Variants in GRK3 observed in about 807,000 individuals in gnomAD.
GRK3 encodes G protein-coupled receptor kinase 3.
In GRK3, 54 loss-of-function variants were observed where a neutral mutation model predicts 95.7. The ratio of observed to expected loss-of-function variants is 0.56; its 90% confidence interval spans 0.45 to 0.71. GRK3 has a LOEUF of 0.71. Ranked by LOEUF, GRK3 falls within the 30% of genes least tolerant of loss-of-function variation. GRK3 has a pLI of 0.00. For synonymous variants in GRK3, 281 were observed against 290.8 expected, an observed-to-expected ratio of 0.97 and a Z score of 0.34; for missense variants, 649 against 851.2, an observed-to-expected ratio of 0.76 and a Z score of 2.96.
chr22:25,649,422 A>G (rs1298508143), intron 3 of GRK3, among the ~76,000 whole-genome samples: 1 of 152,218 alleles, frequency 6.6e-6, no homozygotes, highest in Non-Finnish European at 1.5e-5. Context: ...AAGTACGATG[A>G]TGAATTTTCC....
rs1265359706 is a variant in GRK3, at chr22:25,647,561, A to G, written c.264+2896A>G. On this transcript the variant is annotated intron_variant, in intron 3 of 20. Coordinates refer to ENST00000324198, the MANE Select transcript of GRK3 (RefSeq NM_005160.4). ...GGTGTTACTATATTTGTGGCCTTAT[A>G]TGATTATGAAGCTAGAACTACAGAA... 6 of 1,561,698 alleles carry G rather than the reference A, an allele frequency of 3.8e-6. No homozygotes were observed. The South Asian group carries it at 4.4e-5, about 12-fold the overall frequency.
chr22:25,619,870 G>C (rs2084568427), intron 2 of GRK3, among the ~76,000 whole-genome samples: 1 of 151,880 alleles, frequency 6.6e-6, no homozygotes. Flanking sequence ...TTCTTCCTGA[G>C]GTAGCTACTT....
At chr22:25,665,073 T>C (rs1480661382) in intron 5 of GRK3, among the ~76,000 whole-genome samples, 1 of 152,150 alleles carries the variant, frequency 6.6e-6, no homozygotes, top group Non-Finnish European at 1.5e-5. Context: ...TTGGGTAAGC[T>C]CCTCCACCTT....
intron 1 of GRK3, among the ~76,000 whole-genome samples, chr22:25,567,203 T>A (rs1931522245): frequency 6.6e-6 from 1 of 152,242 alleles, no homozygotes; most frequent in African/African-American, 2.4e-5. Context: ...CAGTAATTGT[T>A]ACTCTGTTGC....
intron 1 of GRK3, among the ~76,000 whole-genome samples, chr22:25,589,992 C>T (rs776300004): frequency 1.2e-4 from 18 of 152,166 alleles, no homozygotes; most frequent in Non-Finnish European, 2.1e-4. Flanking sequence ...GATTCAATGA[C>T]CTCCCACTGG....
At position 25,618,513 on chromosome 22, in the gene GRK3, C is replaced by CT. The variant is rs573567467; in HGVS notation, c.190+14065dup. Among the ~76,000 whole-genome samples, 150 of 152,306 alleles carry CT rather than the reference C, an allele frequency of 9.8e-4. 1 individual carries two copies. In the Middle Eastern group the frequency reaches 0.027, roughly 28 times the overall value. ...TACAGGCAGAATCTGCTTGAGACTG[C>CT]TTTTTAAACCCAGACTAACAATCCC... is the stretch of plus-strand genomic sequence containing the variant. On this transcript the variant is annotated intron_variant, in intron 2 of 20. Coordinates refer to ENST00000324198, the MANE Select transcript of GRK3 (RefSeq NM_005160.4).
At position 25,722,596 on chromosome 22, in the gene GRK3, C is replaced by T; in HGVS notation, c.*146C>T. ...TCGGGACCCTTCGGCTTGGGGTCAG[C>T]TCAGCTCCCTGCCTTGTCACATTTG... On this transcript the variant is annotated 3_prime_UTR_variant, in exon 21 of 21. Transcript: ENST00000324198. 2 of 687,026 alleles carry T rather than the reference C, an allele frequency of 2.9e-6. No homozygotes were observed. The highest frequency in any genetic ancestry group is 4.7e-6 in the Non-Finnish European group (2 of 422,946). The allele number at this position is 687,026 out of a possible 1,614,324, so 42.6% of individuals were successfully genotyped here.
At chr22:25,674,305 C>A in intron 7 of GRK3, 132 bp from the exon 8 acceptor site, 1 of 639,016 alleles carries the variant, frequency 1.6e-6, no homozygotes, top group African/African-American at 1.9e-5. Flanking sequence ...CTTAAAGACT[C>A]AGTCATGAAA....
At chr22:25,616,744 G>A (rs1025611556) in intron 2 of GRK3, among the ~76,000 whole-genome samples, 9 of 152,184 alleles carry the variant, frequency 5.9e-5, no homozygotes, top group Non-Finnish European at 1.2e-4. Flanking sequence ...GTACAAAAAA[G>A]GGTTGTGGGG....
intron 12 of GRK3, among the ~76,000 whole-genome samples, chr22:25,694,186 C>T (rs550663909): frequency 6.6e-6 from 1 of 152,272 alleles, no homozygotes; most frequent in South Asian, 2.1e-4. Context: ...GTGCAGTGCT[C>T]ACAGCAACCC....
chr22:25,703,929 C>T lies in GRK3; in HGVS notation c.1228-180C>T, dbSNP rs1385138859. On this transcript the variant is annotated intron_variant, in intron 14 of 20. Coordinates refer to ENST00000324198, the MANE Select transcript of GRK3 (RefSeq NM_005160.4). ...CCGGTTCTTCTGATCTGCCCCCAGCCTCATTGATTTTGCAACTGATTAGTT... is the reference window on the plus strand; with the variant it reads ...CCGGTTCTTCTGATCTGCCCCCAGCTTCATTGATTTTGCAACTGATTAGTT... 2.0e-5 allele frequency among the ~76,000 whole-genome samples: 3 copies of T among 152,142 alleles called. No homozygotes were observed. In the East Asian group the frequency reaches 5.8e-4, roughly 29 times the overall value.
At chr22:25,573,647 C>G (rs1363779362) in intron 1 of GRK3, among the ~76,000 whole-genome samples, 1 of 152,012 alleles carries the variant, frequency 6.6e-6, no homozygotes, top group Non-Finnish European at 1.5e-5. Context: ...GACTGTAATC[C>G]CAGCACTTTG....
chr22:25,614,125 T>A (rs1311693287), intron 2 of GRK3, among the ~76,000 whole-genome samples: 5 of 152,162 alleles, frequency 3.3e-5, no homozygotes, highest in Non-Finnish European at 5.9e-5. Flanking sequence ...ATCTTTTTTT[T>A]AATGTTATTT....
intron 1 of GRK3, among the ~76,000 whole-genome samples, chr22:25,594,580 T>TA (rs1284165327): frequency 6.6e-6 from 1 of 152,066 alleles, no homozygotes; most frequent in Non-Finnish European, 1.5e-5. Flanking sequence ...ATTTACCACA[T>TA]AAAAAAATTA....
chr22:25,565,187 C>T, intron 1 of GRK3, 34 bp downstream of exon 1: 1 of 1,229,064 alleles, frequency 8.1e-7, no homozygotes, highest in South Asian at 1.5e-5. Flanking sequence ...CGGCCCCAAG[C>T]CGCCGCCCCC....
chr22:25,605,805 C>T (rs1273257839), intron 2 of GRK3, among the ~76,000 whole-genome samples: 4 of 152,318 alleles, frequency 2.6e-5, no homozygotes, highest in South Asian at 2.1e-4. Flanking sequence ...GTGTTGGACA[C>T]GCCACATGAA....
intron 11 of GRK3, 26 bp from the exon 12 acceptor site, chr22:25,690,163 T>C (rs1223219604): frequency 1.3e-5 from 20 of 1,579,584 alleles, no homozygotes; most frequent in Non-Finnish European, 1.7e-5. Flanking sequence ...GGCACTCTTA[T>C]TAAAGATTAT....
intron 8 of GRK3, among the ~76,000 whole-genome samples, chr22:25,677,707 C>G (rs2085042832): frequency 6.6e-6 from 1 of 152,216 alleles, no homozygotes; most frequent in African/African-American, 2.4e-5. Context: ...GTCTGCTACA[C>G]TGAGACAGTG....
intron 13 of GRK3, among the ~76,000 whole-genome samples, chr22:25,698,249 A>G (rs1340328291): frequency 6.7e-6 from 1 of 149,580 alleles, no homozygotes; most frequent in East Asian, 2.0e-4. Context: ...AAAGGGAGAA[A>G]AGGGAAGGAA....
Sources: allele counts gnomAD v4.1 joint callset (sites outside exome capture counted in the v4.1 genomes callset), GRCh38; gene constraint gnomAD v4.1.1; transcripts MANE v1.5; gene names NCBI Gene and HGNC (gene_info 2026-07-23, HGNC 2026-07-21).